MCU: variants seen among roughly 807,000 people sequenced by gnomAD.
The protein encoded by MCU is mitochondrial calcium uniporter, also known as calcium uniporter protein, mitochondrial.
MCU carries 12 observed loss-of-function variants against 45.2 expected under a neutral mutation model. That is an observed-to-expected ratio of 0.27 (90% confidence interval 0.17 to 0.43). MCU has a LOEUF of 0.43. Ranked by LOEUF, MCU falls within the 20% of genes least tolerant of loss-of-function variation. The pLI, the probability that MCU is intolerant of heterozygous loss-of-function variation, is 1.00. For synonymous variants in MCU, 160 were observed against 165.1 expected, an observed-to-expected ratio of 0.97 and a Z score of 0.24; for missense variants, 324 against 436.7, an observed-to-expected ratio of 0.74 and a Z score of 2.30.
chr10:72,880,247 A>G (rs1029144875), intron 6 of MCU, among the ~76,000 whole-genome samples: 1 of 152,246 alleles, frequency 6.6e-6, no homozygotes, highest in Admixed American at 6.5e-5. Context: ...ATTGGAAAGA[A>G]AGAAAACTGA....
chr10:72,814,334 A>C (rs769622422), intron 1 of MCU, among the ~76,000 whole-genome samples: 1 of 152,226 alleles, frequency 6.6e-6, no homozygotes, highest in Non-Finnish European at 1.5e-5. Flanking sequence ...TGTTCCTGGC[A>C]CAGGCTTCTT....
intron 1 of MCU, among the ~76,000 whole-genome samples, chr10:72,829,638 A>G (rs771534293): frequency 7.9e-5 from 12 of 151,730 alleles, no homozygotes; most frequent in Non-Finnish European, 1.3e-4. Context: ...CTAAACAGTA[A>G]AGGAAAAAAA....
chr10:72,867,716 A>G (rs1251796670), intron 4 of MCU, among the ~76,000 whole-genome samples: 2 of 151,976 alleles, frequency 1.3e-5, no homozygotes, highest in African/African-American at 2.4e-5. Context: ...TTAGCCGGGC[A>G]TGGTGGTGGG....
chr10:72,811,244 T>A (rs995865138), intron 1 of MCU, among the ~76,000 whole-genome samples: 1 of 152,228 alleles, frequency 6.6e-6, no homozygotes, highest in Non-Finnish European at 1.5e-5. Flanking sequence ...TCGGTTGTGG[T>A]GGCTGTTGTT....
At chr10:72,848,264 TATATCA>T (rs1183112930) in intron 2 of MCU, among the ~76,000 whole-genome samples, 2 of 152,200 alleles carry the variant, frequency 1.3e-5, no homozygotes, top group East Asian at 3.8e-4. Context: ...TCTTTGCTGC[TATATCA>T]ATTGCAAACT....
intron 1 of MCU, among the ~76,000 whole-genome samples, chr10:72,718,188 A>G (rs1842977260): frequency 6.6e-6 from 1 of 152,166 alleles, no homozygotes; most frequent in Non-Finnish European, 1.5e-5. Flanking sequence ...GTCCCTTTCA[A>G]TTTCCAAGAG....
chr10:72,868,350 A>G (rs1338317985), intron 4 of MCU, among the ~76,000 whole-genome samples: 1 of 152,016 alleles, frequency 6.6e-6, no homozygotes, highest in African/African-American at 2.4e-5. Flanking sequence ...GGAGTTCGAG[A>G]CCAGCCTGGG....
Position 72,859,236 on chromosome 10 carries a change from C to T in MCU, c.280C>T (p.Arg94Cys), listed in dbSNP as rs376561381. 2.5e-6 allele frequency: 4 copies of T among 1,612,918 alleles called. No individual in the cohort carries two copies. The highest frequency in any genetic ancestry group is 3.4e-6 in the Non-Finnish European group (4 of 1,179,520). The change falls in exon 3 of 8, where the codon CGT becomes TGT. Residue 94 changes from arginine (R) to cysteine (C), a missense_variant. Around this residue, in one of 4 missense-constraint regions of MCU, gnomAD observed 135 missense variants for 207.3 expected, o/e 0.65. Transcript: ENST00000373053. ...GATATCTGTGAGGCTACCATCCCGGCGTGAACGCTGTCAGTTCACACTCAA... is the reference window on the plus strand; with the variant it reads ...GATATCTGTGAGGCTACCATCCCGGTGTGAACGCTGTCAGTTCACACTCAA... ...PVISVRLPSRRERCQFTLKPI... is the reference protein window; with the variant it reads ...PVISVRLPSRCERCQFTLKPI...
chr10:72,885,711 T>C (rs1338354882), intron 7 of MCU, 34 bp from the exon 8 acceptor site: 2 of 1,414,284 alleles, frequency 1.4e-6, no homozygotes, highest in East Asian at 2.3e-5. Flanking sequence ...AAAGCTTCAC[T>C]AGCCAGTTTT....
At chr10:72,878,930 T>C (rs1254399497) in intron 6 of MCU, among the ~76,000 whole-genome samples, 1 of 152,158 alleles carries the variant, frequency 6.6e-6, no homozygotes, top group African/African-American at 2.4e-5. Context: ...AGACATCCAT[T>C]TACAGATTTA....
intron 1 of MCU, among the ~76,000 whole-genome samples, chr10:72,755,033 T>A (rs1202504502): frequency 6.6e-6 from 1 of 152,176 alleles, no homozygotes; most frequent in Non-Finnish European, 1.5e-5. Flanking sequence ...TGTGTGACCT[T>A]GATCAAGTTA....
chr10:72,844,767 T>G lies in MCU; in HGVS notation c.220+10339T>G, dbSNP rs533754359. ...TTAGGAATATAAGTGATTGTTAAATTACTTGAGGGCATCTAGGCATGAAAC... is the reference window on the plus strand; with the variant it reads ...TTAGGAATATAAGTGATTGTTAAATGACTTGAGGGCATCTAGGCATGAAAC... On this transcript the variant is annotated intron_variant, in intron 2 of 7. Transcript: ENST00000373053. Among the ~76,000 whole-genome samples, 11 of 152,284 alleles carry G rather than the reference T, an allele frequency of 7.2e-5. 1 individual carries two copies. The South Asian group carries it at 2.3e-3, about 32-fold the overall frequency.
At chr10:72,755,707 C>T (rs927477883) in intron 1 of MCU, among the ~76,000 whole-genome samples, 1 of 152,168 alleles carries the variant, frequency 6.6e-6, no homozygotes, top group Non-Finnish European at 1.5e-5. Flanking sequence ...ACGGCGGAAG[C>T]ATAAATAGAT....
chr10:72,719,583 G>GT (rs1842994821), intron 1 of MCU, among the ~76,000 whole-genome samples: 2 of 152,122 alleles, frequency 1.3e-5, no homozygotes, highest in Non-Finnish European at 2.9e-5. Flanking sequence ...GGTTGTGTGT[G>GT]TATTTTACAT....
intron 1 of MCU, among the ~76,000 whole-genome samples, chr10:72,796,594 A>G (rs1844249799): frequency 6.6e-6 from 1 of 151,940 alleles, no homozygotes; most frequent in Non-Finnish European, 1.5e-5. Flanking sequence ...GCACACTGCA[A>G]CCTCATCCTC....
chr10:72,854,710 G>T (rs1444033444), intron 2 of MCU, among the ~76,000 whole-genome samples: 1 of 152,150 alleles, frequency 6.6e-6, no homozygotes, highest in East Asian at 1.9e-4. Flanking sequence ...TGTGGCCTGG[G>T]GGTTGGCGAC....
chr10:72,813,705 C>T (rs892224139), intron 1 of MCU, among the ~76,000 whole-genome samples: 3 of 151,878 alleles, frequency 2.0e-5, no homozygotes, highest in South Asian at 4.2e-4. Flanking sequence ...GTGATCTGCC[C>T]GCCTCAGCCT....
At chr10:72,842,433 A>C (rs1024960692) in intron 2 of MCU, among the ~76,000 whole-genome samples, 1 of 152,186 alleles carries the variant, frequency 6.6e-6, no homozygotes, top group East Asian at 1.9e-4. Context: ...ATCATTTCTC[A>C]AAGTGAGCTG....
intron 1 of MCU, 79 bp downstream of exon 1, chr10:72,692,380 G>T (rs1278036003): frequency 9.1e-7 from 1 of 1,101,556 alleles, no homozygotes; most frequent in African/African-American, 1.7e-5. Context: ...CAGGCCGCCG[G>T]GGCAGCAGGC....
Sources: gnomAD v4.1 joint callset for allele counts (sites outside exome capture counted in the v4.1 genomes callset) on GRCh38, gnomAD v4.1.1 for gene constraint, gnomAD v4.1.1 regional missense constraint, MANE v1.5 for transcripts, NCBI Gene and HGNC (gene_info 2026-07-23, HGNC 2026-07-21) for gene names.